Variants in ADARB2 observed in about 807,000 individuals in gnomAD.
ADARB2 encodes the protein adenosine deaminase RNA specific B2 (inactive).
ADARB2 carries 25 observed loss-of-function variants against 62.2 expected under a neutral mutation model. The observed-to-expected ratio is 0.40, with a 90% CI of 0.29 to 0.56. ADARB2 has a LOEUF of 0.56. Among genes scored for constraint, ADARB2 ranks in the 20% least tolerant of loss-of-function variants. The pLI, the probability that ADARB2 is intolerant of heterozygous loss-of-function variation, is 0.43. For missense variants in ADARB2, 1,071 were observed against 1,077.4 expected, an observed-to-expected ratio of 0.99 and a Z score of 0.08; for synonymous variants, 572 against 500.8, an observed-to-expected ratio of 1.14 and a Z score of -1.90.
At chr10:1,568,644 C>T (rs11250633) in intron 1 of ADARB2, among the ~76,000 whole-genome samples, 44,666 of 151,830 alleles carry the variant, frequency 0.29, 7,353 homozygotes, top group South Asian at 0.5. Context: ...AGCTGGAGGT[C>T]TTCACATGGA....
chr10:1,451,040 G>T (rs1288603696), intron 1 of ADARB2, among the ~76,000 whole-genome samples: 2 of 152,254 alleles, frequency 1.3e-5, no homozygotes, highest in Non-Finnish European at 2.9e-5. Context: ...AACACAGAGA[G>T]ATGTGTGTGC....
intron 2 of ADARB2, among the ~76,000 whole-genome samples, chr10:1,369,812 C>G (rs1200567413): frequency 6.6e-6 from 1 of 152,224 alleles, no homozygotes; most frequent in African/African-American, 2.4e-5. Context: ...GAGCTTTTCC[C>G]TGGCTCCCAC....
chr10:1,193,769 ATTTCATTGTTT>A lies in ADARB2; in HGVS notation c.1864+6186_1864+6196del, dbSNP rs377745172. Among the ~76,000 whole-genome samples the A allele has an allele frequency of 2.4e-3, 368 of 152,280 alleles. 2 individuals are homozygous for A. Among genetic ancestry groups the A allele is most frequent in the African/African-American group, 7.7e-3 (321 of 41,566 alleles). On this transcript the variant is annotated intron_variant, in intron 8 of 9. Transcript: ENST00000381312. ...TTTCTATCAGCATTTTAAAGATGCC[ATTTCATTGTTT>A]TTTTGTCTTCTGAGAATCAGTTACC...
chr10:1,416,448 G>T (rs1416261814), intron 1 of ADARB2, among the ~76,000 whole-genome samples: 7 of 152,246 alleles, frequency 4.6e-5, no homozygotes, highest in Admixed American at 3.3e-4. Context: ...GGGGTCCAAA[G>T]TCAGCACAGG....
intron 1 of ADARB2, among the ~76,000 whole-genome samples, chr10:1,465,744 A>T (rs1831246507): frequency 6.6e-6 from 1 of 152,246 alleles, no homozygotes; most frequent in Non-Finnish European, 1.5e-5. Flanking sequence ...ATGTGCACCC[A>T]GAGGGCCACC....
At chr10:1,657,146 C>A (rs138576044) in intron 1 of ADARB2, among the ~76,000 whole-genome samples, 1 of 151,882 alleles carries the variant, frequency 6.6e-6, no homozygotes. Context: ...GTGAAAAGTT[C>A]GAAAAGAGGT....
At chr10:1,367,984 C>T (rs946596246) in intron 2 of ADARB2, among the ~76,000 whole-genome samples, 3 of 152,214 alleles carry the variant, frequency 2.0e-5, no homozygotes, top group Non-Finnish European at 4.4e-5. Flanking sequence ...CTTCAGGGGC[C>T]TGTCCTGGAC....
chr10:1,433,644 G>C (rs1830799192), intron 1 of ADARB2, among the ~76,000 whole-genome samples: 1 of 152,112 alleles, frequency 6.6e-6, no homozygotes, highest in African/African-American at 2.4e-5. Flanking sequence ...GAGCCTGAGT[G>C]TCTCTCCCAG....
At chr10:1,289,474 G>A (rs1001238509) in intron 3 of ADARB2, among the ~76,000 whole-genome samples, 4 of 150,224 alleles carry the variant, frequency 2.7e-5, no homozygotes, top group Non-Finnish European at 4.4e-5. Context: ...CTGGAAGAGG[G>A]AGGAGGAGGC....
At chr10:1,680,830 GAC>G (rs779205988) in intron 1 of ADARB2, among the ~76,000 whole-genome samples, 7 of 152,158 alleles carry the variant, frequency 4.6e-5, no homozygotes, top group South Asian at 4.1e-4. Flanking sequence ...GAGTTTTCAG[GAC>G]ACACACATAC....
chr10:1,363,895 C>T lies in ADARB2; in HGVS notation c.210G>A (p.Lys70=), dbSNP rs1832288791. 2 of 1,484,148 alleles carry T rather than the reference C, an allele frequency of 1.3e-6. No homozygotes were observed. Among genetic ancestry groups the T allele is most frequent in the Admixed American group, 2.4e-5 (1 of 40,912 alleles). The allele number at this position is 1,484,148 out of a possible 1,614,324, so 91.9% of individuals were successfully genotyped here. A position where few individuals can be genotyped will look rare whatever the true frequency, so the allele number is the denominator to read the frequency against. The part of the protein sequence containing the change: ...DTLSTSSAEV[K]ENRNVGNLAA... ...CCAGGTTGCCCACGTTGCGGTTCTCCTTCACCTCCGCGCTGCTGGTACCTG... is the reference window on the plus strand; with the variant it reads ...CCAGGTTGCCCACGTTGCGGTTCTCTTTCACCTCCGCGCTGCTGGTACCTG... The change falls in exon 3 of 10, where the codon AAG becomes AAA. Residue 70 remains lysine, a synonymous_variant. Transcript: ENST00000381312.
chr10:1,395,687 GGC>G (rs1832606519), intron 1 of ADARB2, among the ~76,000 whole-genome samples: 1 of 152,084 alleles, frequency 6.6e-6, no homozygotes, highest in Non-Finnish European at 1.5e-5. Flanking sequence ...AGACCATCCC[GGC>G]GTCGCAGACC....
At chr10:1,678,687 A>G (rs1199053275) in intron 1 of ADARB2, among the ~76,000 whole-genome samples, 1 of 151,954 alleles carries the variant, frequency 6.6e-6, no homozygotes, top group Admixed American at 6.6e-5. Flanking sequence ...AGTTCTTTTT[A>G]GGAGAGCACC....
intron 6 of ADARB2, among the ~76,000 whole-genome samples, chr10:1,222,963 G>A (rs975596225): frequency 1.3e-5 from 2 of 152,038 alleles, no homozygotes; most frequent in Admixed American, 6.5e-5. Context: ...AAAGTCATTG[G>A]TAGCTTGATG....
At chr10:1,644,046 A>G (rs1297916706) in intron 1 of ADARB2, among the ~76,000 whole-genome samples, 1 of 152,214 alleles carries the variant, frequency 6.6e-6, no homozygotes, top group Non-Finnish European at 1.5e-5. Context: ...ATAAAACTCC[A>G]GGTTATCTCA....
In ADARB2 at chr10:1,233,847, T is replaced by C; in HGVS notation, c.1362-2A>G. On this transcript the variant is annotated splice_acceptor_variant, in intron 5 of 9. Coordinates refer to ENST00000381312, the MANE Select transcript of ADARB2 (RefSeq NM_018702.4). LOFTEE classifies it high-confidence loss of function. ...CGCTCTGAGTCCTCGCGCCGCTTGC[T>C]AGGGTCACAAAGAGGTTTGGGGTCA... is the stretch of plus-strand genomic sequence containing the variant. The C allele has an allele frequency of 6.2e-7, 1 of 1,613,212 alleles. No individual in the cohort carries two copies. Among genetic ancestry groups the C allele is most frequent in the Non-Finnish European group, 8.5e-7 (1 of 1,179,598 alleles).
intron 6 of ADARB2, among the ~76,000 whole-genome samples, chr10:1,226,866 G>A (rs2131763701): frequency 1.3e-5 from 1 of 78,928 alleles, no homozygotes; most frequent in African/African-American, 5.5e-5. Context: ...TCAGGTGGAG[G>A]CAGTCCACCC....
intron 4 of ADARB2, among the ~76,000 whole-genome samples, chr10:1,259,863 A>G (rs1005263754): frequency 1.3e-5 from 2 of 152,204 alleles, no homozygotes; most frequent in African/African-American, 2.4e-5. Context: ...AGAATTTTAG[A>G]CCAATATCCT....
intron 1 of ADARB2, among the ~76,000 whole-genome samples, chr10:1,510,557 A>T (rs963225229): frequency 6.6e-6 from 1 of 152,188 alleles, no homozygotes; most frequent in Non-Finnish European, 1.5e-5. Context: ...AACCAAAGCT[A>T]AAATTTGAAA....
Sources: gnomAD v4.1 joint callset for allele counts (sites outside exome capture counted in the v4.1 genomes callset) on GRCh38, gnomAD v4.1.1 for gene constraint, MANE v1.5 for transcripts, NCBI Gene and HGNC (gene_info 2026-07-23, HGNC 2026-07-21) for gene names.